Variants in MEIS1 observed in about 807,000 individuals in gnomAD.
The protein encoded by MEIS1 is Meis homeobox 1, also known as homeobox protein Meis1.
In MEIS1, 5 loss-of-function variants were observed where a neutral mutation model predicts 50.8. The observed-to-expected ratio is 0.10, with a 90% CI of 0.05 to 0.21. The LOEUF (loss-of-function observed/expected upper bound fraction) is 0.21. MEIS1 is among the 10% of genes least tolerant of loss of function. The pLI is 1.00. For missense variants in MEIS1, 318 were observed against 517.3 expected, an observed-to-expected ratio of 0.61 and a Z score of 3.74; for synonymous variants, 176 against 179.3, an observed-to-expected ratio of 0.98 and a Z score of 0.15.
intron 9 of MEIS1, among the ~76,000 whole-genome samples, chr2:66,558,494 T>C (rs1434348855): frequency 6.6e-6 from 1 of 152,122 alleles, no homozygotes; most frequent in African/African-American, 2.4e-5. Flanking sequence ...TAAGTGTGTT[T>C]CCATTTGTAT....
At chr2:66,513,874 G>A (rs1029232036) in intron 8 of MEIS1, among the ~76,000 whole-genome samples, 2 of 152,132 alleles carry the variant, frequency 1.3e-5, no homozygotes, top group Non-Finnish European at 2.9e-5. Flanking sequence ...AATCACTAAT[G>A]AACTAGGGGA....
rs1380819102 is a variant in MEIS1 at position 66,442,911 on chromosome 2, T to C, written c.493T>C (p.Leu165=). 6.3e-7 allele frequency: 1 copy of C among 1,590,966 alleles called. No homozygotes were observed. The highest frequency in any genetic ancestry group is 8.5e-7 in the Non-Finnish European group (1 of 1,173,248). The change falls in exon 6 of 13, where the codon TTA becomes CTA. Residue 165 remains leucine, a synonymous_variant. Coordinates refer to ENST00000272369, the MANE Select transcript of MEIS1 (RefSeq NM_002398.3). ...TTCTGTCATAATGTAGGTACACGAA[T>C]TATGTGACAATTTCTGCCACCGGTA... The part of the protein sequence containing the change: ...HLLELEKVHE[L]CDNFCHRYIS...
Position 66,544,639 on chromosome 2 carries a change from A to T in MEIS1, c.889-3304A>T, listed in dbSNP as rs73937949. 5.9e-3 allele frequency among the ~76,000 whole-genome samples: 900 copies of T among 152,110 alleles called. 7 individuals carry two copies. The highest frequency in any genetic ancestry group is 0.019 in the African/African-American group (784 of 41,510). On this transcript the variant is annotated intron_variant, in intron 8 of 12. Coordinates refer to ENST00000272369, the MANE Select transcript of MEIS1 (RefSeq NM_002398.3). ...CAGGCTCATTCATTTGTATTAAAAA[A>T]ATATATATATATCCCGAACAACTGA...
At chr2:66,560,870 G>A (rs1675197065) in intron 9 of MEIS1, among the ~76,000 whole-genome samples, 1 of 152,142 alleles carries the variant, frequency 6.6e-6, no homozygotes, top group Non-Finnish European at 1.5e-5. Context: ...ACACACTGAT[G>A]ATGTATTGCA....
intron 7 of MEIS1, among the ~76,000 whole-genome samples, chr2:66,499,778 C>T (rs1673503622): frequency 6.6e-6 from 1 of 150,394 alleles, no homozygotes; most frequent in South Asian, 2.1e-4. Context: ...TCCGGATGAA[C>T]AGAATTGTAC....
chr2:66,446,928 T>A (rs1443300521), intron 6 of MEIS1, among the ~76,000 whole-genome samples: 1 of 152,246 alleles, frequency 6.6e-6, no homozygotes, highest in African/African-American at 2.4e-5. Flanking sequence ...AAGTTCACAA[T>A]GTTGTTTCTG....
intron 7 of MEIS1, among the ~76,000 whole-genome samples, chr2:66,480,751 C>T (rs1013938158): frequency 1.3e-5 from 2 of 152,062 alleles, no homozygotes; most frequent in African/African-American, 4.8e-5. Flanking sequence ...AGAAGAGTTC[C>T]ACTCTCTCCA....
At chr2:66,517,093 G>T (rs1673989162) in intron 8 of MEIS1, among the ~76,000 whole-genome samples, 1 of 152,024 alleles carries the variant, frequency 6.6e-6, no homozygotes, top group Non-Finnish European at 1.5e-5. Flanking sequence ...CTGCCAGTTT[G>T]AACAGTGAAT....
At chr2:66,457,800 G>A (rs1558525715) in intron 6 of MEIS1, among the ~76,000 whole-genome samples, 1 of 152,240 alleles carries the variant, frequency 6.6e-6, no homozygotes, top group Non-Finnish European at 1.5e-5. Context: ...AAGCCTGCCA[G>A]TGTGAGTGTG....
intron 8 of MEIS1, among the ~76,000 whole-genome samples, chr2:66,537,861 A>G (rs1388127577): frequency 6.6e-6 from 1 of 152,210 alleles, no homozygotes; most frequent in Non-Finnish European, 1.5e-5. Context: ...GAGATGGGCT[A>G]TACATAGTTT....
chr2:66,435,401 T>G lies in MEIS1; in HGVS notation c.-456T>G. The G allele has an allele frequency of 4.3e-6, 1 of 230,044 alleles. No homozygotes were observed. Among genetic ancestry groups the G allele is most frequent in the East Asian group, 8.2e-5 (1 of 12,124 alleles). 14.3% of individuals were successfully genotyped at this position (230,044 alleles called of 1,614,324 possible). A position where few individuals can be genotyped will look rare whatever the true frequency, so the allele number is the denominator to read the frequency against. On this transcript the variant is annotated 5_prime_UTR_variant, in exon 1 of 13. Coordinates refer to ENST00000272369, the MANE Select transcript of MEIS1 (RefSeq NM_002398.3). ...GGCTTTGTGCATTTGAATATTAACA[T>G]TTGAGGTGTTCTGACCAGAAGAAGA... is the stretch of plus-strand genomic sequence containing the variant.
chr2:66,565,037 C>G (rs1459007081), intron 9 of MEIS1, among the ~76,000 whole-genome samples: 1 of 152,030 alleles, frequency 6.6e-6, no homozygotes, highest in African/African-American at 2.4e-5. Flanking sequence ...ATTAGTTCAG[C>G]AGAGGTTACC....
At chr2:66,505,080 C>G (rs985775826) in intron 7 of MEIS1, among the ~76,000 whole-genome samples, 1 of 152,102 alleles carries the variant, frequency 6.6e-6, no homozygotes, top group African/African-American at 2.4e-5. Context: ...ACTTCATATA[C>G]ATATGAAGTA....
At chr2:66,525,803 A>G (rs965037538) in intron 8 of MEIS1, among the ~76,000 whole-genome samples, 1 of 152,238 alleles carries the variant, frequency 6.6e-6, no homozygotes, top group Non-Finnish European at 1.5e-5. Flanking sequence ...AAACATCTTC[A>G]TAGCTTCAGT....
chr2:66,469,471 A>T (rs932236163), intron 7 of MEIS1, among the ~76,000 whole-genome samples: 1 of 152,188 alleles, frequency 6.6e-6, no homozygotes, highest in Non-Finnish European at 1.5e-5. Context: ...GAGGTGGGGA[A>T]GGGCCACATT....
chr2:66,487,375 T>C (rs1673168231), intron 7 of MEIS1, among the ~76,000 whole-genome samples: 2 of 152,176 alleles, frequency 1.3e-5, no homozygotes, highest in South Asian at 4.1e-4. Flanking sequence ...TACACACACA[T>C]ATATGTATAT....
chr2:66,444,532 C>A (rs1045626953), intron 6 of MEIS1, among the ~76,000 whole-genome samples: 2 of 152,230 alleles, frequency 1.3e-5, no homozygotes, highest in Non-Finnish European at 2.9e-5. Flanking sequence ...TGCGCCGGGT[C>A]CGCACTGTGA....
intron 8 of MEIS1, among the ~76,000 whole-genome samples, chr2:66,543,056 C>T (rs1028660012): frequency 6.6e-6 from 1 of 152,112 alleles, no homozygotes; most frequent in Non-Finnish European, 1.5e-5. Context: ...CTTAAAATCC[C>T]CCTCCCATCC....
intron 6 of MEIS1, among the ~76,000 whole-genome samples, chr2:66,447,465 A>G (rs1199963669): frequency 6.6e-6 from 1 of 152,262 alleles, no homozygotes; most frequent in Non-Finnish European, 1.5e-5. Context: ...AATGGAAATT[A>G]TGGCAAGATT....
Sources: allele counts gnomAD v4.1 joint callset (sites outside exome capture counted in the v4.1 genomes callset), GRCh38; gene constraint gnomAD v4.1.1; transcripts MANE v1.5; gene names NCBI Gene and HGNC (gene_info 2026-07-23, HGNC 2026-07-21).